Variants in LUC7L observed in about 807,000 individuals in gnomAD.
LUC7L encodes putative RNA-binding protein Luc7-like 1.
In LUC7L, 29 loss-of-function variants were observed where a neutral mutation model predicts 51.1. The observed-to-expected ratio is 0.57, with a 90% confidence interval of 0.42 to 0.77. The LOEUF (loss-of-function observed/expected upper bound fraction) is 0.77. Ranked by LOEUF, LUC7L falls within the 30% of genes least tolerant of loss-of-function variation. LUC7L has a pLI of 0.00. For synonymous variants in LUC7L, 181 were observed against 180.7 expected (o/e 1.00, Z -0.01); for missense variants, 403 against 511.9 (o/e 0.79, Z 2.05).
chr16:214,211 G>A lies in LUC7L; in HGVS notation c.256-6023C>T, dbSNP rs150120435. 6.0e-4 allele frequency among the ~76,000 whole-genome samples: 91 copies of A among 152,064 alleles called. 2 individuals carry two copies. In the East Asian group the frequency reaches 0.016, roughly 27 times the overall value. ...GCTTCCTGAGTAGCTGGGATTACAG[G>A]TGCGCACCACCACACCCAGCTAATT... On this transcript the variant is annotated intron_variant, in intron 3 of 9. Transcript: ENST00000293872.
intron 9 of LUC7L, chr16:189,553 G>C: frequency 6.5e-6 from 9 of 1,387,490 alleles, no homozygotes; most frequent in Non-Finnish European, 8.4e-6. Flanking sequence ...AATAAGGAGA[G>C]CCTTCACTGT....
At chr16:217,019 A>AT (rs111294392) in intron 3 of LUC7L, among the ~76,000 whole-genome samples, 174 of 148,698 alleles carry the variant, frequency 1.2e-3, no homozygotes, top group East Asian at 4.5e-3. Context: ...TTTAAATAGA[A>AT]TTTTTTTTTT....
chr16:190,089 G>A lies in LUC7L; in HGVS notation c.853C>T (p.Arg285Ter). 4.3e-6 allele frequency: 7 copies of A among 1,613,140 alleles called. No homozygotes were observed. Among genetic ancestry groups the A allele is most frequent in the South Asian group, 1.1e-5 (1 of 91,056 alleles). Residue 285 changes from arginine to a stop codon, truncating the protein, a stop_gained, in exon 9 of 10, where the codon CGA becomes TGA. Coordinates refer to ENST00000293872, the MANE Select transcript of LUC7L (RefSeq NM_201412.3). LOFTEE classifies it high-confidence loss of function. ...GACCGGGACAATTTCCGTCGCTCTC[G>A]GGAGGTAGATCTTGACCGCCTCCGA... ...RRRRRSRSTSRERRKLSRSRS... is the reference protein window; with the variant it reads ...RRRRRSRSTS
chr16:205,017 T>C (rs1224332016), intron 5 of LUC7L, among the ~76,000 whole-genome samples: 1 of 152,184 alleles, frequency 6.6e-6, no homozygotes, highest in Admixed American at 6.6e-5. Flanking sequence ...ACCCTTGAGC[T>C]CCACACAATG....
intron 5 of LUC7L, among the ~76,000 whole-genome samples, chr16:201,170 G>GAA (rs36033830): frequency 0.055 from 3,869 of 70,290 alleles, 175 homozygotes; most frequent in Middle Eastern, 0.1. Flanking sequence ...CTCTGTCTGA[G>GAA]AAAAAAAAAA....
intron 1 of LUC7L, chr16:229,051 C>T: frequency 4.9e-6 from 7 of 1,420,184 alleles, no homozygotes; most frequent in Non-Finnish European, 6.4e-6. Context: ...GCTGAAGCCC[C>T]ATCCATGGCG....
intron 7 of LUC7L, among the ~76,000 whole-genome samples, chr16:192,239 C>T (rs1486478616): frequency 2.0e-5 from 3 of 152,150 alleles, no homozygotes; most frequent in African/African-American, 7.2e-5. Context: ...GCTTAAACTG[C>T]CACCTCCTCC....
At chr16:228,694 A>C (rs969968314) in intron 1 of LUC7L, 26 of 1,205,258 alleles carry the variant, frequency 2.2e-5, no homozygotes, top group Non-Finnish European at 2.6e-5. Context: ...TACACAGTAC[A>C]ACCTACCTAA....
At chr16:226,267 T>C (rs372344617) in intron 2 of LUC7L, among the ~76,000 whole-genome samples, 2 of 152,198 alleles carry the variant, frequency 1.3e-5, no homozygotes, top group Non-Finnish European at 2.9e-5. Context: ...TGAAGAAAAC[T>C]TCCTTTAACA....
intron 1 of LUC7L, 76 bp from the exon 2 acceptor site, chr16:227,412 A>C (rs922149248): frequency 1.8e-5 from 28 of 1,530,986 alleles, no homozygotes; most frequent in Non-Finnish European, 2.3e-5. Context: ...ATAACAATTC[A>C]CCTGGATGAT....
At chr16:208,326 CACT>C in intron 3 of LUC7L, 138 bp from the exon 4 acceptor site, 1 of 630,978 alleles carries the variant, frequency 1.6e-6, no homozygotes, top group Non-Finnish European at 2.7e-6. Context: ...TCTTAAACTA[CACT>C]ACCACTAACG....
chr16:189,579 A>G lies in LUC7L; in HGVS notation c.975-240T>C, dbSNP rs751189701. ...CCTTCACTGTAACATAAACAGTGCAAAGGAGAATACAACACTATATGCACA... is the reference window on the plus strand; with the variant it reads ...CCTTCACTGTAACATAAACAGTGCAGAGGAGAATACAACACTATATGCACA... On this transcript the variant is annotated intron_variant, in intron 9 of 9. Coordinates refer to ENST00000293872, the MANE Select transcript of LUC7L (RefSeq NM_201412.3). 45 of 1,375,924 alleles carry G rather than the reference A, an allele frequency of 3.3e-5. No individual in the cohort carries two copies. In the Middle Eastern group the frequency reaches 1.3e-3, roughly 41 times the overall value. The allele number at this position is 1,375,924 out of a possible 1,614,324, so 85.2% of individuals were successfully genotyped here. A position where few individuals can be genotyped will look rare whatever the true frequency, so the allele number is the denominator to read the frequency against.
chr16:199,274 T>C (rs779167766), intron 5 of LUC7L, 36 bp from the exon 6 acceptor site: 2 of 1,369,756 alleles, frequency 1.5e-6, no homozygotes, highest in Non-Finnish European at 2.0e-6. Flanking sequence ...AAGTGAGGTA[T>C]ATAGAACTGC....
chr16:197,207 CT>C (rs754309530), intron 6 of LUC7L, among the ~76,000 whole-genome samples: 3,148 of 80,412 alleles, frequency 0.039, 4 homozygotes, highest in Middle Eastern at 0.045. Flanking sequence ...TGCACCCAGC[CT>C]TTTTTTTTTT....
chr16:223,057 T>C (rs973664026), intron 2 of LUC7L, among the ~76,000 whole-genome samples: 6 of 150,664 alleles, frequency 4.0e-5, no homozygotes, highest in African/African-American at 1.2e-4. Context: ...TGCAGTCTCA[T>C]AGAAAGCATG....
At chr16:190,883 AAAG>A in intron 7 of LUC7L, 1 of 288,808 alleles carries the variant, frequency 3.5e-6, no homozygotes, top group Non-Finnish European at 6.3e-6. Context: ...TTTGTCTCAA[AAAG>A]AAAAAAAAAA....
At chr16:207,225 A>AT (rs1290789037) in intron 4 of LUC7L, among the ~76,000 whole-genome samples, 3 of 150,628 alleles carry the variant, frequency 2.0e-5, no homozygotes, top group African/African-American at 7.3e-5. Context: ...ACCGACAATA[A>AT]TTTTTTTTTC....
At chr16:203,260 G>C (rs1466199004) in intron 5 of LUC7L, among the ~76,000 whole-genome samples, 8 of 152,178 alleles carry the variant, frequency 5.3e-5, no homozygotes, top group African/African-American at 9.7e-5. Flanking sequence ...GAAAGCATCA[G>C]GTCCAGATGG....
chr16:207,432 G>A lies in LUC7L; in HGVS notation c.366+646C>T, dbSNP rs1414726464. The stretch of plus-strand genomic sequence containing the variant: ...AGATGGGGTTTCTTCATGTTGCTCA[G>A]GTCTAAAACTCCTGGGCTCAAGCAG... On this transcript the variant is annotated intron_variant, in intron 4 of 9. Transcript: ENST00000293872. 2.0e-5 allele frequency among the ~76,000 whole-genome samples: 3 copies of A among 152,058 alleles called. No individual in the cohort carries two copies. The East Asian group carries it at 5.8e-4, about 29-fold the overall frequency.
Sources: allele counts gnomAD v4.1 joint callset (sites outside exome capture counted in the v4.1 genomes callset), GRCh38; gene constraint gnomAD v4.1.1; transcripts MANE v1.5; gene names NCBI Gene and HGNC (gene_info 2026-07-23, HGNC 2026-07-21).